The following PTPRT variants were observed in gnomAD, a reference collection of about 807,000 sequenced individuals.
PTPRT encodes the protein receptor-type tyrosine-protein phosphatase T.
A neutral mutation model predicts 176.8 loss-of-function variants in PTPRT; 56 were observed. The observed-to-expected ratio is 0.32, with a 90% CI of 0.26 to 0.40. PTPRT has a LOEUF of 0.40. PTPRT is among the 10% of genes least tolerant of loss of function. The probability of loss-of-function intolerance (pLI) is 1.00; values close to 1 mark genes in which losing one functional copy is unlikely to be tolerated. For missense variants in PTPRT, 1,540 were observed against 1,908.2 expected, an observed-to-expected ratio of 0.81 and a Z score of 3.60; for synonymous variants, 783 against 739.0, an observed-to-expected ratio of 1.06 and a Z score of -0.96.
chr20:42,388,763 T>C (rs2145661157), intron 9 of PTPRT, among the ~76,000 whole-genome samples: 1 of 152,318 alleles, frequency 6.6e-6, no homozygotes, highest in African/African-American at 2.4e-5. Flanking sequence ...GACCCAGCCA[T>C]CCCATTACTG....
intron 8 of PTPRT, among the ~76,000 whole-genome samples, chr20:42,465,711 GA>G (rs1197177274): frequency 6.6e-6 from 1 of 152,158 alleles, no homozygotes; most frequent in Non-Finnish European, 1.5e-5. Context: ...AAAGAGACAG[GA>G]ATGGCGGTAA....
Position 42,476,450 on chromosome 20 carries a change from A to G in PTPRT, c.1154-3888T>C, listed in dbSNP as rs556561700. ...TGTGCCTGGATCTCCTGTGGGTTCT[A>G]GAAAGGGTTGAGGTCGGCATGCCTT... On this transcript the variant is annotated intron_variant, in intron 7 of 30. Transcript: ENST00000373187. Among the ~76,000 whole-genome samples the G allele has an allele frequency of 2.6e-5, 4 of 152,302 alleles. No homozygotes were observed. In the East Asian group the frequency reaches 7.7e-4, roughly 29 times the overall value.
intron 6 of PTPRT, among the ~76,000 whole-genome samples, chr20:42,737,201 T>A (rs2076553848): frequency 6.6e-6 from 1 of 152,142 alleles, no homozygotes; most frequent in South Asian, 2.1e-4. Context: ...ATGACTGGCA[T>A]CCTTCTAAAA....
intron 1 of PTPRT, among the ~76,000 whole-genome samples, chr20:43,007,004 C>T (rs948837730): frequency 2.6e-5 from 4 of 152,172 alleles, no homozygotes; most frequent in Non-Finnish European, 4.4e-5. Flanking sequence ...CATACATCAG[C>T]ATGAACTGAA....
rs763313429 is a variant in PTPRT at position 42,073,252 on chromosome 20, C to T, written c.*7627G>A. On this transcript the variant is annotated 3_prime_UTR_variant, in exon 31 of 31. Transcript: ENST00000373187. ...GCCAAGGCAATGGTAGAGGCCACAACTCTTTGTCTTTGATTGGCTAGTAGA... is the reference window on the plus strand; with the variant it reads ...GCCAAGGCAATGGTAGAGGCCACAATTCTTTGTCTTTGATTGGCTAGTAGA... The T allele has an allele frequency of 5.3e-6, 1 of 189,450 alleles. No individual in the cohort carries two copies. Among genetic ancestry groups the T allele is most frequent in the Non-Finnish European group, 1.1e-5 (1 of 89,966 alleles). 11.7% of individuals were successfully genotyped at this position (189,450 alleles called of 1,614,324 possible).
rs557517678 is a variant in PTPRT at position 42,937,793 on chromosome 20, C to T, written c.89-51861G>A. Among the ~76,000 whole-genome samples, 40 of 152,254 alleles carry T rather than the reference C, an allele frequency of 2.6e-4. 1 individual carries two copies. Among genetic ancestry groups the T allele is most frequent in the East Asian group, 7.7e-4 (4 of 5,180 alleles). Reference sequence around the variant, plus strand: ...ATCCATAATCACTGAAGATTAACTGCGAAGTATCATTTAGCTATCACTTCT... The same window carrying T: ...ATCCATAATCACTGAAGATTAACTGTGAAGTATCATTTAGCTATCACTTCT... On this transcript the variant is annotated intron_variant, in intron 1 of 30. Transcript: ENST00000373187.
rs117784054 is a variant in PTPRT, at chr20:42,713,471, C to A, written c.860-35312G>T. On this transcript the variant is annotated intron_variant, in intron 6 of 30. Coordinates refer to ENST00000373187, the MANE Select transcript of PTPRT (RefSeq NM_007050.6). ...TTCTCATGGGCAAAATTTTTCTCTT[C>A]TCTATTCCCAGTATACATTGTATTA... Among the ~76,000 whole-genome samples the A allele has an allele frequency of 6.6e-5, 10 of 152,144 alleles. No homozygotes were observed. The East Asian group carries it at 1.9e-3, about 29-fold the overall frequency.
At chr20:42,957,054 C>A (rs1000962905) in intron 1 of PTPRT, among the ~76,000 whole-genome samples, 1 of 152,092 alleles carries the variant, frequency 6.6e-6, no homozygotes, top group African/African-American at 2.4e-5. Context: ...ACGGAGTCTG[C>A]ATATTTTTAA....
At chr20:42,849,762 G>A (rs533210791) in intron 2 of PTPRT, among the ~76,000 whole-genome samples, 1 of 152,300 alleles carries the variant, frequency 6.6e-6, no homozygotes, top group South Asian at 2.1e-4. Flanking sequence ...GAGACGATGT[G>A]TGTGAATTTT....
chr20:42,312,666 A>G (rs1272051117), intron 12 of PTPRT, among the ~76,000 whole-genome samples: 1 of 152,144 alleles, frequency 6.6e-6, no homozygotes, highest in Non-Finnish European at 1.5e-5. Flanking sequence ...GTGTTTCGTT[A>G]CTGGGAATCT....
At chr20:42,540,943 G>C (rs1182699426) in intron 7 of PTPRT, among the ~76,000 whole-genome samples, 1 of 152,034 alleles carries the variant, frequency 6.6e-6, no homozygotes, top group East Asian at 1.9e-4. Context: ...ATAGATAATG[G>C]TACAGTGGAA....
Position 42,395,056 on chromosome 20 carries a change from T to C in PTPRT, c.1561-42771A>G, listed in dbSNP as rs543395537. On this transcript the variant is annotated intron_variant, in intron 9 of 30. Coordinates refer to ENST00000373187, the MANE Select transcript of PTPRT (RefSeq NM_007050.6). ...GAGGAAAGCAGTGACCCATGCTAACTGGTCTCGTTGTAACTCCTGTCTGCT... is the reference window on the plus strand; with the variant it reads ...GAGGAAAGCAGTGACCCATGCTAACCGGTCTCGTTGTAACTCCTGTCTGCT... Among the ~76,000 whole-genome samples the C allele has an allele frequency of 3.3e-5, 5 of 152,312 alleles. No individual in the cohort carries two copies. In the South Asian group the frequency reaches 8.3e-4, roughly 25 times the overall value.
chr20:42,578,528 C>T (rs1470393446), intron 7 of PTPRT, among the ~76,000 whole-genome samples: 3 of 152,124 alleles, frequency 2.0e-5, no homozygotes, highest in African/African-American at 7.2e-5. Flanking sequence ...CCCCAATAAA[C>T]CTGCTCCATC....
At chr20:42,706,665 C>A (rs1384635201) in intron 6 of PTPRT, among the ~76,000 whole-genome samples, 1 of 151,948 alleles carries the variant, frequency 6.6e-6, no homozygotes, top group Non-Finnish European at 1.5e-5. Context: ...TAGGGACTCC[C>A]TAGATAAAGA....
At chr20:42,156,906 T>C (rs1312254388) in intron 17 of PTPRT, among the ~76,000 whole-genome samples, 1 of 152,228 alleles carries the variant, frequency 6.6e-6, no homozygotes, top group Non-Finnish European at 1.5e-5. Context: ...ACACAGTAGC[T>C]AGAAGGAAGT....
chr20:42,295,456 C>T (rs185624393), intron 12 of PTPRT, among the ~76,000 whole-genome samples: 24 of 152,210 alleles, frequency 1.6e-4, no homozygotes, highest in African/African-American at 5.8e-4. Context: ...GAAGGATCTA[C>T]AGAAGATAAG....
At chr20:42,875,190 C>G (rs547807966) in intron 2 of PTPRT, among the ~76,000 whole-genome samples, 66 of 152,294 alleles carry the variant, frequency 4.3e-4, no homozygotes, top group Admixed American at 1.0e-3. Flanking sequence ...CAGGTTTTCC[C>G]ATTTATCTGG....
chr20:43,110,112 T>C (rs1172302898), intron 1 of PTPRT, among the ~76,000 whole-genome samples: 1 of 152,194 alleles, frequency 6.6e-6, no homozygotes, highest in Non-Finnish European at 1.5e-5. Context: ...AGGGCATCTG[T>C]ATCAGGAGAA....
intron 7 of PTPRT, among the ~76,000 whole-genome samples, chr20:42,511,740 T>C (rs1002256621): frequency 2.6e-5 from 4 of 152,114 alleles, no homozygotes; most frequent in African/African-American, 9.7e-5. Context: ...CCTATTTTTT[T>C]TTTTTAGATA....
Sources: allele counts gnomAD v4.1 joint callset (sites outside exome capture counted in the v4.1 genomes callset), GRCh38; gene constraint gnomAD v4.1.1; transcripts MANE v1.5; gene names NCBI Gene and HGNC (gene_info 2026-07-23, HGNC 2026-07-21).